The following GRIA4 variants were observed in gnomAD, a reference collection of about 807,000 sequenced individuals.
GRIA4 encodes glutamate receptor 4.
Under a neutral mutation model 104.0 loss-of-function variants are expected in GRIA4, and 34 were observed. That is an observed-to-expected ratio of 0.33 (90% CI 0.25 to 0.44). The LOEUF is 0.44. Among genes scored for constraint, GRIA4 ranks in the 20% least tolerant of loss-of-function variants. GRIA4 has a pLI of 1.00. For missense variants in GRIA4, 750 were observed against 1,096.5 expected, an observed-to-expected ratio of 0.68 and a Z score of 4.46; for synonymous variants, 386 against 381.9, an observed-to-expected ratio of 1.01 and a Z score of -0.13.
rs531051754 is a variant in GRIA4 at position 105,694,218 on chromosome 11, C to T, written c.248-58763C>T. 4.0e-4 allele frequency among the ~76,000 whole-genome samples: 61 copies of T among 151,594 alleles called. No homozygotes were observed. In the South Asian group the frequency reaches 0.011, roughly 27 times the overall value. On this transcript the variant is annotated intron_variant, in intron 3 of 16. Coordinates refer to ENST00000282499, the MANE Select transcript of GRIA4 (RefSeq NM_000829.4). ...AGGCTGGAGTGCAGTGGTGCATTCTCGGCTCACTGCAACCTCTGCCTCCAG... is the reference window on the plus strand; with the variant it reads ...AGGCTGGAGTGCAGTGGTGCATTCTTGGCTCACTGCAACCTCTGCCTCCAG...
chr11:105,880,074 A>G (rs960802108), intron 5 of GRIA4, among the ~76,000 whole-genome samples: 4 of 152,124 alleles, frequency 2.6e-5, no homozygotes, highest in Admixed American at 2.6e-4. Flanking sequence ...AACTATATTT[A>G]TATTGTTTCT....
At chr11:105,702,946 C>T (rs1015867029) in intron 3 of GRIA4, among the ~76,000 whole-genome samples, 3 of 152,078 alleles carry the variant, frequency 2.0e-5, no homozygotes, top group South Asian at 2.1e-4. Context: ...CTGCCCATCT[C>T]AGCCTCCCAA....
chr11:105,963,422 C>T (rs897506887), intron 14 of GRIA4, among the ~76,000 whole-genome samples: 1 of 152,056 alleles, frequency 6.6e-6, no homozygotes, highest in Non-Finnish European at 1.5e-5. Context: ...TTGTAGAAAA[C>T]CACAGACACT....
intron 4 of GRIA4, among the ~76,000 whole-genome samples, chr11:105,835,005 T>A (rs1399731533): frequency 6.6e-6 from 1 of 152,100 alleles, no homozygotes; most frequent in African/African-American, 2.4e-5. Context: ...TGATTTCTTA[T>A]ATTTTGTTAT....
intron 3 of GRIA4, among the ~76,000 whole-genome samples, chr11:105,710,166 T>A (rs1953860447): frequency 6.6e-6 from 1 of 152,144 alleles, no homozygotes; most frequent in Non-Finnish European, 1.5e-5. Context: ...TTTACCTTGA[T>A]GAAATTCACA....
intron 9 of GRIA4, 110 bp from the exon 10 acceptor site, chr11:105,910,325 T>TTGCTTACA: frequency 3.2e-6 from 2 of 630,238 alleles, no homozygotes; most frequent in Non-Finnish European, 5.7e-6. Context: ...TTTGTTTTGT[T>TTGCTTACA]TGCTTACATT....
chr11:105,724,788 T>G (rs537160077), intron 3 of GRIA4, among the ~76,000 whole-genome samples: 62 of 152,188 alleles, frequency 4.1e-4, no homozygotes, highest in Non-Finnish European at 7.8e-4. Flanking sequence ...TTTATAAATT[T>G]TTTTTAAAAA....
At chr11:105,689,686 C>G (rs1221812020) in intron 3 of GRIA4, among the ~76,000 whole-genome samples, 1 of 152,180 alleles carries the variant, frequency 6.6e-6, no homozygotes, top group Non-Finnish European at 1.5e-5. Context: ...AAACACTGAA[C>G]AGGACATTTA....
intron 13 of GRIA4, among the ~76,000 whole-genome samples, chr11:105,932,403 C>A (rs1363471030): frequency 6.6e-6 from 1 of 152,136 alleles, no homozygotes; most frequent in Non-Finnish European, 1.5e-5. Context: ...AGGTGATCCA[C>A]CTGCCTCAGA....
intron 3 of GRIA4, among the ~76,000 whole-genome samples, chr11:105,635,448 T>C: frequency 6.6e-6 from 1 of 152,300 alleles, no homozygotes; most frequent in South Asian, 2.1e-4. Context: ...ATATTATATT[T>C]TTCATTGGTT....
chr11:105,644,639 A>G (rs1951472974), intron 3 of GRIA4, among the ~76,000 whole-genome samples: 1 of 152,092 alleles, frequency 6.6e-6, no homozygotes, highest in African/African-American at 2.4e-5. Context: ...ATTAAAAAAT[A>G]CCATTTTTAT....
At chr11:105,610,520 G>C (rs901475721) in intron 1 of GRIA4, 92 bp downstream of exon 1, 13 of 157,484 alleles carry the variant, frequency 8.3e-5, no homozygotes, top group African/African-American at 3.1e-4. Flanking sequence ...GGAGGGCAGC[G>C]ATGCTCCGGG....
chr11:105,808,262 A>G (rs1943030119), intron 4 of GRIA4, among the ~76,000 whole-genome samples: 1 of 152,022 alleles, frequency 6.6e-6, no homozygotes, highest in Admixed American at 6.6e-5. Context: ...GTTGAAATAA[A>G]TTAAAATGCT....
chr11:105,812,457 C>T (rs1943214209), intron 4 of GRIA4, among the ~76,000 whole-genome samples: 1 of 152,078 alleles, frequency 6.6e-6, no homozygotes, highest in Admixed American at 6.6e-5. Flanking sequence ...GATTTGAGTC[C>T]CTTTTCTGTT....
chr11:105,696,128 A>G (rs1264164624), intron 3 of GRIA4, among the ~76,000 whole-genome samples: 4 of 152,142 alleles, frequency 2.6e-5, no homozygotes, highest in Admixed American at 6.5e-5. Flanking sequence ...ATCACCCACC[A>G]TATCTGCCCA....
At chr11:105,737,216 T>C (rs2135636005) in intron 3 of GRIA4, among the ~76,000 whole-genome samples, 1 of 152,264 alleles carries the variant, frequency 6.6e-6, no homozygotes, top group Admixed American at 6.5e-5. Context: ...GTGTTGTCCT[T>C]CTTGGTGTAC....
chr11:105,937,722 T>C (rs1948081626), intron 14 of GRIA4, among the ~76,000 whole-genome samples: 1 of 152,166 alleles, frequency 6.6e-6, no homozygotes, highest in Non-Finnish European at 1.5e-5. Flanking sequence ...CTAAAGAGGT[T>C]TGTGGAACTG....
intron 4 of GRIA4, among the ~76,000 whole-genome samples, chr11:105,854,541 C>T (rs1043047517): frequency 1.3e-5 from 2 of 152,104 alleles, no homozygotes; most frequent in African/African-American, 4.8e-5. Context: ...TGAAGCTATG[C>T]TATGAGTAGT....
chr11:105,953,605 T>G (rs887182248), intron 14 of GRIA4, among the ~76,000 whole-genome samples: 17 of 147,714 alleles, frequency 1.2e-4, no homozygotes, highest in Non-Finnish European at 1.0e-4. Context: ...CTGGGAAAAC[T>G]GTAGCACATA....
Sources: gnomAD v4.1 joint callset for allele counts (sites outside exome capture counted in the v4.1 genomes callset) on GRCh38, gnomAD v4.1.1 for gene constraint, MANE v1.5 for transcripts, NCBI Gene and HGNC (gene_info 2026-07-23, HGNC 2026-07-21) for gene names.